EPB41L4A: variants seen among roughly 807,000 people sequenced by gnomAD.
EPB41L4A encodes erythrocyte membrane protein band 4.1 like 4A, also known as band 4.1-like protein 4A.
In EPB41L4A, 100 loss-of-function variants were observed where a neutral mutation model predicts 108.6. That is an observed-to-expected ratio of 0.92 (90% CI 0.78 to 1.09). The LOEUF is 1.09. Among genes scored for constraint, EPB41L4A ranks in the 50% least tolerant of loss-of-function variants. The pLI, the probability that EPB41L4A is intolerant of heterozygous loss-of-function variation, is 0.00. For missense variants in EPB41L4A, 1,030 were observed against 842.7 expected, an observed-to-expected ratio of 1.22 and a Z score of -2.75; for synonymous variants, 319 against 289.0, an observed-to-expected ratio of 1.10 and a Z score of -1.05.
At chr5:112,396,187 A>G (rs1403658923) in intron 1 of EPB41L4A, among the ~76,000 whole-genome samples, 1 of 152,216 alleles carries the variant, frequency 6.6e-6, no homozygotes, top group African/African-American at 2.4e-5. Context: ...AACATGGCAC[A>G]TGTATACATA....
In EPB41L4A at chr5:112,162,812, A is replaced by AG. The variant is rs1490685946; in HGVS notation, c.*2177dup. On this transcript the variant is annotated 3_prime_UTR_variant, in exon 23 of 23. Transcript: ENST00000261486. ...AAACCTGAGAAAGAGTTGAGACTAA[A>AG]GGTATGTGTCATATTTTTCACAAGG... 6.6e-6 allele frequency: 1 copy of AG among 152,240 alleles called. No individual in the cohort carries two copies. The highest frequency in any genetic ancestry group is 1.9e-4 in the East Asian group (1 of 5,202). The allele number at this position is 152,240 out of a possible 1,614,324, so 9.4% of individuals were successfully genotyped here.
intron 4 of EPB41L4A, among the ~76,000 whole-genome samples, chr5:112,271,667 G>T (rs1752268261): frequency 6.6e-6 from 1 of 152,196 alleles, no homozygotes; most frequent in South Asian, 2.1e-4. Flanking sequence ...ATACAGGGAA[G>T]GATGTCATGT....
intron 17 of EPB41L4A, among the ~76,000 whole-genome samples, chr5:112,191,693 C>T (rs1010740187): frequency 2.0e-5 from 3 of 149,838 alleles, no homozygotes; most frequent in Non-Finnish European, 4.5e-5. Context: ...AAAAAAAAAT[C>T]CTGCAAGAAG....
rs1482528646 is a variant in EPB41L4A at position 112,198,551 on chromosome 5, C to T, written c.1377-2843G>A. Reference sequence around the variant, plus strand: ...TCACATCCTTCAGTTCCGGAATATTCGCTTTGCTGTTTCTTTAATAGTTTC... The same window carrying T: ...TCACATCCTTCAGTTCCGGAATATTTGCTTTGCTGTTTCTTTAATAGTTTC... On this transcript the variant is annotated intron_variant, in intron 15 of 22. Coordinates refer to ENST00000261486, the MANE Select transcript of EPB41L4A (RefSeq NM_022140.5). Among the ~76,000 whole-genome samples, 5 of 152,234 alleles carry T rather than the reference C, an allele frequency of 3.3e-5. No homozygotes were observed. The East Asian group carries it at 5.8e-4, about 18-fold the overall frequency.
chr5:112,411,278 G>C (rs949038570), intron 1 of EPB41L4A, among the ~76,000 whole-genome samples: 1 of 152,210 alleles, frequency 6.6e-6, no homozygotes, highest in African/African-American at 2.4e-5. Context: ...TGGTGGTTGA[G>C]GCAATGTGAG....
chr5:112,361,141 T>C (rs562085529), intron 1 of EPB41L4A, among the ~76,000 whole-genome samples: 1 of 152,278 alleles, frequency 6.6e-6, no homozygotes, highest in East Asian at 1.9e-4. Flanking sequence ...TGGAAAGAAG[T>C]AGACATAGGA....
At position 112,275,354 on chromosome 5, in the gene EPB41L4A, G is replaced by C; in HGVS notation, c.307C>G (p.Pro103Ala). Residue 103 changes from proline to alanine, a missense_variant, in exon 4 of 23, where the codon CCA becomes GCA. By Grantham distance (27) the Pro-to-Ala change is conservative (BLOSUM62 -1). Coordinates refer to ENST00000261486, the MANE Select transcript of EPB41L4A (RefSeq NM_022140.5). ...YFGIKFYAED[P>A]CKLKEEITRY... ...GTTATTTCTTCTTTAAGTTTACATG[G>C]ATCTTCAGCATAGAATTTAATACCA... 6.4e-7 allele frequency: 1 copy of C among 1,555,772 alleles called. No individual in the cohort carries two copies. The highest frequency in any genetic ancestry group is 8.7e-7 in the Non-Finnish European group (1 of 1,143,778).
chr5:112,317,631 G>C (rs146113792), intron 1 of EPB41L4A, among the ~76,000 whole-genome samples: 1 of 152,008 alleles, frequency 6.6e-6, no homozygotes. Flanking sequence ...GTTTTCTAGC[G>C]GTCACAGGGC....
At position 112,214,015 on chromosome 5, in the gene EPB41L4A, T is replaced by C. The variant is rs567452663; in HGVS notation, c.1088-4033A>G. ...TAAAGCTAGGTTATATGTTGGTGAT[T>C]GAAATCTGCAGAGGTGAGAAATTTA... is the stretch of plus-strand genomic sequence containing the variant. On this transcript the variant is annotated intron_variant, in intron 12 of 22. Transcript: ENST00000261486. Among the ~76,000 whole-genome samples the C allele has an allele frequency of 1.6e-4, 24 of 152,378 alleles. No individual in the cohort carries two copies. The South Asian group carries it at 3.5e-3, about 22-fold the overall frequency.
intron 1 of EPB41L4A, among the ~76,000 whole-genome samples, chr5:112,356,019 C>A (rs1048003561): frequency 1.6e-4 from 25 of 152,290 alleles, no homozygotes; most frequent in East Asian, 3.9e-4. Context: ...GCAGTAAATA[C>A]ACTCCACTTG....
At chr5:112,345,768 CATAT>C (rs113557925) in intron 1 of EPB41L4A, among the ~76,000 whole-genome samples, 93 of 119,216 alleles carry the variant, frequency 7.8e-4, no homozygotes, top group East Asian at 6.7e-3. Context: ...TATATATATA[CATAT>C]ATATATATAC....
chr5:112,151,609 T>C (rs1044509627), intron 12 of EPB41L4A, among the ~76,000 whole-genome samples: 2 of 152,148 alleles, frequency 1.3e-5, no homozygotes, highest in East Asian at 3.9e-4. Flanking sequence ...GGTTTCACCA[T>C]GTTGCCAAGG....
chr5:112,145,496 G>A (rs1580315124), intron 13 of EPB41L4A, among the ~76,000 whole-genome samples: 1 of 152,268 alleles, frequency 6.6e-6, no homozygotes, highest in African/African-American at 2.4e-5. Context: ...GACAGCCATT[G>A]TACACAACTG....
chr5:112,158,884 G>A (rs1759742646), downstream of EPB41L4A, among the ~76,000 whole-genome samples: 1 of 152,180 alleles, frequency 6.6e-6, no homozygotes, highest in African/African-American at 2.4e-5. Flanking sequence ...GCCAAAACAT[G>A]TCACTGACTT....
chr5:112,165,207 A>T lies in EPB41L4A; in HGVS notation c.1933-89T>A, dbSNP rs552383923. On this transcript the variant is annotated intron_variant, in intron 22 of 22. Coordinates refer to ENST00000261486, the MANE Select transcript of EPB41L4A (RefSeq NM_022140.5). The stretch of plus-strand genomic sequence containing the variant: ...TACATCAGAAACCAAGCTGCTCTTA[A>T]ATTTAAGATACTGAGTTAATTCAAA... The T allele has an allele frequency of 8.2e-6, 8 of 971,232 alleles. No homozygotes were observed. In the African/African-American group the frequency reaches 1.3e-4, roughly 16 times the overall value. The allele number at this position is 971,232 out of a possible 1,614,324, so 60.2% of individuals were successfully genotyped here.
chr5:112,248,173 C>T (rs1580524315), intron 9 of EPB41L4A, among the ~76,000 whole-genome samples: 3 of 152,314 alleles, frequency 2.0e-5, no homozygotes, highest in Admixed American at 2.0e-4. Context: ...ATAATTGAAA[C>T]AGGAGCCAGG....
In EPB41L4A at chr5:112,163,222, G is replaced by A. The variant is rs1241880766; in HGVS notation, c.*1768C>T. ...TGGATGACAGAGCCAACTAGACGTG[G>A]TAATAGTGGAGGTGTCCATAACTGC... On this transcript the variant is annotated 3_prime_UTR_variant, in exon 23 of 23. Coordinates refer to ENST00000261486, the MANE Select transcript of EPB41L4A (RefSeq NM_022140.5). 2.0e-5 allele frequency: 3 copies of A among 151,838 alleles called. No homozygotes were observed. Among genetic ancestry groups the A allele is most frequent in the South Asian group, 2.1e-4 (1 of 4,834 alleles). 9.4% of individuals were successfully genotyped at this position (151,838 alleles called of 1,614,324 possible).
chr5:112,389,092 CA>C (rs1358404087), intron 1 of EPB41L4A, among the ~76,000 whole-genome samples: 9 of 152,080 alleles, frequency 5.9e-5, no homozygotes, highest in African/African-American at 1.7e-4. Flanking sequence ...TATGGCTTAG[CA>C]GAAGATTCGG....
chr5:112,334,081 C>T (rs1180881572), intron 1 of EPB41L4A, among the ~76,000 whole-genome samples: 1 of 152,068 alleles, frequency 6.6e-6, no homozygotes, highest in Non-Finnish European at 1.5e-5. Context: ...CCTTATTATA[C>T]GCTCCTCCCT....
Sources: gnomAD v4.1 joint callset for allele counts (sites outside exome capture counted in the v4.1 genomes callset) on GRCh38, gnomAD v4.1.1 for gene constraint, MANE v1.5 for transcripts, NCBI Gene and HGNC (gene_info 2026-07-23, HGNC 2026-07-21) for gene names.